The following HPF1 variants were observed in gnomAD, a reference collection of about 807,000 sequenced individuals.
HPF1 encodes histone PARylation factor 1, also known as UPF0609 protein C4orf27.
In HPF1, 35 loss-of-function variants were observed where a neutral mutation model predicts 38.8. The ratio of observed to expected loss-of-function variants is 0.90; its 90% confidence interval spans 0.69 to 1.19. The LOEUF (loss-of-function observed/expected upper bound fraction) is 1.19. Among genes scored for constraint, HPF1 ranks in the 50% most tolerant of loss-of-function variants. The pLI is 0.00. For synonymous variants in HPF1, 115 were observed against 139.2 expected, an observed-to-expected ratio of 0.83 and a Z score of 1.22; for missense variants, 367 against 405.8, an observed-to-expected ratio of 0.90 and a Z score of 0.82.
chr4:169,749,669 TG>T lies in HPF1; in HGVS notation c.399-828del, dbSNP rs1184268996. ...AATATCTATGATAAATCTTATATAA[TG>T]GAACCTAAAACTAAGATTCTTAGGA... On this transcript the variant is annotated intron_variant, in intron 3 of 7. Transcript: ENST00000393381. Among the ~76,000 whole-genome samples the T allele has an allele frequency of 1.5e-4, 21 of 140,580 alleles. 1 individual carries two copies. The East Asian group carries it at 2.9e-3, about 19-fold the overall frequency. The allele number at this position is 140,580 out of a possible 152,430, so 92.2% of individuals were successfully genotyped here.
In HPF1 at chr4:169,742,090, T is replaced by C. The variant is rs755481902; in HGVS notation, c.515A>G (p.Lys172Arg). 1.2e-6 allele frequency: 2 copies of C among 1,610,926 alleles called. No individual in the cohort carries two copies. Among genetic ancestry groups the C allele is most frequent in the South Asian group, 1.1e-5 (1 of 91,016 alleles). Reference protein sequence around the residue: ...FAAVKLFLTKKLREITDKKKI... With the variant: ...FAAVKLFLTKRLREITDKKKI... ...CTTTTTATCCGTTATTTCTCTAAGT[T>C]TTTTCGTCAAAAATAATCTGAAAAA... The change falls in exon 5 of 8, where the codon AAA becomes AGA. Residue 172 changes from lysine (K) to arginine (R), a missense_variant. Physicochemically the swap from Lys to Arg is conservative, Grantham distance 26. Transcript: ENST00000393381.
chr4:169,743,317 T>A (rs2150291267), intron 4 of HPF1, among the ~76,000 whole-genome samples: 1 of 150,892 alleles, frequency 6.6e-6, no homozygotes, highest in East Asian at 2.0e-4. Context: ...CTCATGTTGG[T>A]CAGGGTGGTC....
intron 7 of HPF1, among the ~76,000 whole-genome samples, chr4:169,730,225 A>T (rs1733811835): frequency 6.6e-6 from 1 of 152,232 alleles, no homozygotes; most frequent in East Asian, 1.9e-4. Context: ...TTATCTACAT[A>T]TACCACCGTT....
Position 169,729,555 on chromosome 4 carries a change from T to A in HPF1, c.*23A>T, listed in dbSNP as rs1479021957. 5.4e-6 allele frequency: 8 copies of A among 1,484,574 alleles called. No homozygotes were observed. The highest frequency in any genetic ancestry group is 7.2e-6 in the Non-Finnish European group (8 of 1,115,596). The allele number at this position is 1,484,574 out of a possible 1,614,324, so 92.0% of individuals were successfully genotyped here. A position where few individuals can be genotyped will look rare whatever the true frequency, so the allele number is the denominator to read the frequency against. The stretch of plus-strand genomic sequence containing the variant: ...TTAATACTAGTCCTTTGAAATACTG[T>A]ACACCAATCAAAGCCACCTTACTCA... On this transcript the variant is annotated 3_prime_UTR_variant, in exon 8 of 8. Coordinates refer to ENST00000393381, the MANE Select transcript of HPF1 (RefSeq NM_017867.3).
Position 169,752,168 on chromosome 4 carries a change from C to CTTTTT in HPF1, c.209-1448_209-1444dup, listed in dbSNP as rs35247508. On this transcript the variant is annotated intron_variant, in intron 2 of 7. Coordinates refer to ENST00000393381, the MANE Select transcript of HPF1 (RefSeq NM_017867.3). ...AATAAATGTTTGTATACAGGCATGA[C>CTTTTT]TTTTTTTTTTTTTTTTTTTTGAGAT... 7.6e-4 allele frequency among the ~76,000 whole-genome samples: 81 copies of CTTTTT among 107,168 alleles called. 1 individual carries two copies. The highest frequency in any genetic ancestry group is 1.8e-3 in the African/African-American group (50 of 27,258). The allele number at this position is 107,168 out of a possible 152,430, so 70.3% of individuals were successfully genotyped here.
At chr4:169,736,763 T>C (rs537817229) in intron 6 of HPF1, among the ~76,000 whole-genome samples, 2 of 152,240 alleles carry the variant, frequency 1.3e-5, no homozygotes, top group African/African-American at 4.8e-5. Flanking sequence ...CCTTTAAGTT[T>C]TATCCCCCCA....
At chr4:169,750,839 A>T (rs1426440649) in intron 2 of HPF1, 114 bp from the exon 3 acceptor site, 8 of 735,250 alleles carry the variant, frequency 1.1e-5, no homozygotes, top group Middle Eastern at 5.2e-4. Flanking sequence ...AACTAAAAAA[A>T]TCTTGAGTTA....
In HPF1 at chr4:169,742,097, T is replaced by C. The variant is rs1455164612; in HGVS notation, c.508A>G (p.Thr170Ala). ...TCCGTTATTTCTCTAAGTTTTTTCGTCAAAAATAATCTGAAAAAGAAGTAA... is the reference window on the plus strand; with the variant it reads ...TCCGTTATTTCTCTAAGTTTTTTCGCCAAAAATAATCTGAAAAAGAAGTAA... ...NVFAAVKLFL[T>A]KKLREITDKK... The change falls in exon 5 of 8, where the codon ACG becomes GCG. Residue 170 changes from threonine (T) to alanine (A), a missense_variant. Coordinates refer to ENST00000393381, the MANE Select transcript of HPF1 (RefSeq NM_017867.3). 1 of 1,610,252 alleles carries C rather than the reference T, an allele frequency of 6.2e-7. No individual in the cohort carries two copies. Among genetic ancestry groups the C allele is most frequent in the South Asian group, 1.1e-5 (1 of 91,004 alleles).
At chr4:169,737,437 G>T (rs754543465) in intron 6 of HPF1, among the ~76,000 whole-genome samples, 3 of 151,848 alleles carry the variant, frequency 2.0e-5, no homozygotes, top group Non-Finnish European at 4.4e-5. Context: ...AGATGAAAAA[G>T]ACAAGATTTC....
At chr4:169,730,901 G>A (rs1733820399) in intron 7 of HPF1, among the ~76,000 whole-genome samples, 1 of 152,230 alleles carries the variant, frequency 6.6e-6, no homozygotes, top group African/African-American at 2.4e-5. Flanking sequence ...GAGCCAGACT[G>A]CTTGTGTGAA....
At chr4:169,735,526 A>C (rs17080034) in intron 6 of HPF1, among the ~76,000 whole-genome samples, 2,151 of 152,296 alleles carry the variant, frequency 0.014, 34 homozygotes, top group South Asian at 0.052. Flanking sequence ...ATACAGAAGG[A>C]TCTAATGCCT....
intron 7 of HPF1, among the ~76,000 whole-genome samples, chr4:169,730,509 G>C (rs1733815459): frequency 6.6e-6 from 1 of 152,182 alleles, no homozygotes; most frequent in Admixed American, 6.5e-5. Context: ...GTATAATATG[G>C]TTTATAGCAG....
At chr4:169,742,416 TGATA>T (rs1300688055) in intron 4 of HPF1, among the ~76,000 whole-genome samples, 1 of 152,270 alleles carries the variant, frequency 6.6e-6, no homozygotes, top group East Asian at 1.9e-4. Flanking sequence ...CTGTATCACT[TGATA>T]CTAAGATATG....
rs115556846 is a variant in HPF1, at chr4:169,737,490, C to T, written c.736+170G>A. ...GTTCAAGGCCACACAGCTATGAACT[C>T]GGTTTTAATTCAGGAATGACTGACT... On this transcript the variant is annotated intron_variant, in intron 6 of 7. Transcript: ENST00000393381. 4.9e-3 allele frequency among the ~76,000 whole-genome samples: 748 copies of T among 152,080 alleles called. 10 individuals are homozygous for T. Among genetic ancestry groups the T allele is most frequent in the African/African-American group, 0.016 (675 of 41,496 alleles).
At chr4:169,736,914 C>T (rs1200298329) in intron 6 of HPF1, among the ~76,000 whole-genome samples, 1 of 152,166 alleles carries the variant, frequency 6.6e-6, no homozygotes, top group Non-Finnish European at 1.5e-5. Context: ...GGTCCATTTT[C>T]AAAGTGTTTT....
chr4:169,733,348 T>C (rs967214091), intron 6 of HPF1, among the ~76,000 whole-genome samples: 3 of 152,226 alleles, frequency 2.0e-5, no homozygotes, highest in African/African-American at 7.2e-5. Context: ...GTATGAACAA[T>C]ATCTATTTAG....
At chr4:169,742,393 G>C (rs1733980595) in intron 4 of HPF1, among the ~76,000 whole-genome samples, 1 of 152,174 alleles carries the variant, frequency 6.6e-6, no homozygotes, top group Non-Finnish European at 1.5e-5. Context: ...GCTGAGATTA[G>C]TCAAGGTTTA....
Position 169,752,268 on chromosome 4 carries a change from T to A in HPF1, c.208+1408A>T, listed in dbSNP as rs1734130068. On this transcript the variant is annotated intron_variant, in intron 2 of 7. Coordinates refer to ENST00000393381, the MANE Select transcript of HPF1 (RefSeq NM_017867.3). ...TCACTGCAACCTCCGCCTCCTGGGTTCAAGCAATTCTCTGCCTCAGCCTCC... is the reference window on the plus strand; with the variant it reads ...TCACTGCAACCTCCGCCTCCTGGGTACAAGCAATTCTCTGCCTCAGCCTCC... Among the ~76,000 whole-genome samples, 3 of 150,806 alleles carry A rather than the reference T, an allele frequency of 2.0e-5. No homozygotes were observed. In the South Asian group the frequency reaches 6.3e-4, roughly 32 times the overall value.
At chr4:169,736,051 G>C (rs1342793719) in intron 6 of HPF1, among the ~76,000 whole-genome samples, 4 of 151,528 alleles carry the variant, frequency 2.6e-5, no homozygotes, top group African/African-American at 9.7e-5. Flanking sequence ...ATTTAATCCT[G>C]TTTTAATTTA....
Sources: allele counts gnomAD v4.1 joint callset (sites outside exome capture counted in the v4.1 genomes callset), GRCh38; gene constraint gnomAD v4.1.1; transcripts MANE v1.5; gene names NCBI Gene and HGNC (gene_info 2026-07-23, HGNC 2026-07-21).